CSMD3: variants seen among roughly 807,000 people sequenced by gnomAD.
The protein encoded by CSMD3 is CUB and sushi domain-containing protein 3.
Under a neutral mutation model 435.2 loss-of-function variants are expected in CSMD3, and 177 were observed. The observed-to-expected ratio is 0.41, with a 90% CI of 0.36 to 0.46. The LOEUF (loss-of-function observed/expected upper bound fraction) is 0.46. Ranked by LOEUF, CSMD3 falls within the 20% of genes least tolerant of loss-of-function variation. CSMD3 has a pLI of 0.34. For synonymous variants in CSMD3, 1,656 were observed against 1,520.5 expected (o/e 1.09, Z -2.07); for missense variants, 4,265 against 4,504.6 (o/e 0.95, Z 1.52).
intron 22 of CSMD3, among the ~76,000 whole-genome samples, chr8:112,605,352 A>T (rs534070155): frequency 1.3e-5 from 2 of 152,334 alleles, no homozygotes; most frequent in South Asian, 4.1e-4. Flanking sequence ...CACTATTCAA[A>T]ATAGTAAAGA....
intron 31 of CSMD3, among the ~76,000 whole-genome samples, chr8:112,484,956 A>AT (rs1181963536): frequency 1.3e-5 from 2 of 152,140 alleles, no homozygotes; most frequent in African/African-American, 4.8e-5. Context: ...TATACTCTGA[A>AT]TTATAGGCAT....
At chr8:113,099,340 CTTTG>C (rs1413658097) in intron 4 of CSMD3, among the ~76,000 whole-genome samples, 1 of 151,960 alleles carries the variant, frequency 6.6e-6, no homozygotes, top group Non-Finnish European at 1.5e-5. Context: ...TCTTTGATCA[CTTTG>C]TTTATTGACG....
intron 1 of CSMD3, among the ~76,000 whole-genome samples, chr8:113,328,859 G>T (rs2094005345): frequency 1.4e-5 from 2 of 143,534 alleles, no homozygotes; most frequent in Non-Finnish European, 3.0e-5. Flanking sequence ...TCCCATTTCA[G>T]CCTCCCAAGT....
At chr8:112,897,197 G>T (rs2081971758) in intron 10 of CSMD3, among the ~76,000 whole-genome samples, 1 of 151,226 alleles carries the variant, frequency 6.6e-6, no homozygotes, top group African/African-American at 2.4e-5. Context: ...TTATAAAACT[G>T]CACTTACGTA....
chr8:112,511,384 CTTTTTTTTTTTT>C (rs34548150), intron 28 of CSMD3, among the ~76,000 whole-genome samples: 30 of 72,404 alleles, frequency 4.1e-4, no homozygotes, highest in Admixed American at 2.7e-3. Flanking sequence ...ATTTTCTTTT[CTTTTTTTTTTTT>C]TTTTTTTTTT....
chr8:113,184,728 C>T (rs2092473351), intron 3 of CSMD3, among the ~76,000 whole-genome samples: 1 of 152,022 alleles, frequency 6.6e-6, no homozygotes, highest in African/African-American at 2.4e-5. Context: ...TGCAGGCTTT[C>T]GTTCAATCTT....
At chr8:113,037,868 AT>A in intron 5 of CSMD3, among the ~76,000 whole-genome samples, 1 of 152,336 alleles carries the variant, frequency 6.6e-6, no homozygotes, top group East Asian at 1.9e-4. Context: ...TTCAGGAATA[AT>A]TTTGAAGATA....
chr8:112,686,392 A>G (rs1161549768), intron 14 of CSMD3, among the ~76,000 whole-genome samples: 1 of 152,226 alleles, frequency 6.6e-6, no homozygotes, highest in Non-Finnish European at 1.5e-5. Flanking sequence ...TAGAAAGCAG[A>G]GGAAAAATAA....
At chr8:112,817,102 TG>T (rs2079395747) in intron 12 of CSMD3, among the ~76,000 whole-genome samples, 1 of 152,146 alleles carries the variant, frequency 6.6e-6, no homozygotes, top group African/African-American at 2.4e-5. Context: ...TTTTCAGAGG[TG>T]TCTTAATAGA....
intron 3 of CSMD3, among the ~76,000 whole-genome samples, chr8:113,271,691 G>C (rs578041613): frequency 2.6e-5 from 4 of 152,302 alleles, no homozygotes; most frequent in Non-Finnish European, 4.4e-5. Context: ...GGAAATGTGG[G>C]ATTGGAGCCC....
chr8:112,450,416 A>G (rs1804081332), intron 32 of CSMD3, among the ~76,000 whole-genome samples: 1 of 152,216 alleles, frequency 6.6e-6, no homozygotes, highest in Non-Finnish European at 1.5e-5. Context: ...TTAGTTTTCT[A>G]AGAAGACTTT....
At chr8:112,386,372 A>T (rs1829951209) in intron 36 of CSMD3, among the ~76,000 whole-genome samples, 1 of 152,218 alleles carries the variant, frequency 6.6e-6, no homozygotes, top group Non-Finnish European at 1.5e-5. Flanking sequence ...CATAATAAAA[A>T]TATAAAGAGT....
chr8:112,936,965 G>A (rs1488010139), intron 9 of CSMD3, among the ~76,000 whole-genome samples: 1 of 151,710 alleles, frequency 6.6e-6, no homozygotes, highest in Non-Finnish European at 1.5e-5. Flanking sequence ...CATTAACATT[G>A]CAATTACAGC....
intron 32 of CSMD3, among the ~76,000 whole-genome samples, chr8:112,416,252 A>C (rs1472333284): frequency 6.6e-6 from 1 of 152,126 alleles, no homozygotes; most frequent in East Asian, 1.9e-4. Context: ...CTTATGAGAT[A>C]TGATGGTTTT....
chr8:112,489,254 C>T (rs1820444283), intron 31 of CSMD3, among the ~76,000 whole-genome samples: 1 of 150,722 alleles, frequency 6.6e-6, no homozygotes, highest in Non-Finnish European at 1.5e-5. Context: ...ACTGTCTCTG[C>T]AAAAAAAATA....
intron 1 of CSMD3, among the ~76,000 whole-genome samples, chr8:113,418,579 A>G (rs1449953060): frequency 6.6e-6 from 1 of 152,212 alleles, no homozygotes; most frequent in Non-Finnish European, 1.5e-5. Flanking sequence ...ATACACATAC[A>G]TGCAATAACA....
At chr8:112,708,158 ATTCAAGGAAG>A (rs2076537754) in intron 13 of CSMD3, among the ~76,000 whole-genome samples, 4 of 151,718 alleles carry the variant, frequency 2.6e-5, no homozygotes. Flanking sequence ...TAGGAGACTG[ATTCAAGGAAG>A]TTAAATTTCA....
chr8:112,582,705 G>A (rs748035037), intron 23 of CSMD3, among the ~76,000 whole-genome samples: 12 of 151,954 alleles, frequency 7.9e-5, no homozygotes, highest in South Asian at 4.1e-4. Flanking sequence ...CAATATTTGT[G>A]TCCCCCCAAA....
intron 35 of CSMD3, among the ~76,000 whole-genome samples, chr8:112,400,910 A>T (rs1831277085): frequency 1.3e-5 from 2 of 152,166 alleles, no homozygotes; most frequent in South Asian, 4.1e-4. Context: ...TAATGGTTTA[A>T]AATTTATAGT....
Sources: allele counts gnomAD v4.1 joint callset (sites outside exome capture counted in the v4.1 genomes callset), GRCh38; gene constraint gnomAD v4.1.1; transcripts MANE v1.5; gene names NCBI Gene and HGNC (gene_info 2026-07-23, HGNC 2026-07-21).